The following NAALAD2 variants were observed in gnomAD, a reference collection of about 807,000 sequenced individuals.
NAALAD2 encodes the protein N-acetylated-alpha-linked acidic dipeptidase 2.
A neutral mutation model predicts 95.6 loss-of-function variants in NAALAD2; 89 were observed. The observed-to-expected ratio is 0.93, with a 90% CI of 0.78 to 1.11. The LOEUF is 1.11. Ranked by LOEUF, NAALAD2 falls within the 50% of genes least tolerant of loss-of-function variation. The pLI is 0.00. For missense variants in NAALAD2, 894 were observed against 872.4 expected (o/e 1.02, Z -0.31); for synonymous variants, 264 against 294.4 (o/e 0.90, Z 1.06).
chr11:90,158,228 A>C lies in NAALAD2; in HGVS notation c.880A>C (p.Ile294Leu), dbSNP rs199949872. Residue 294 changes from isoleucine (I) to leucine (L), a missense_variant, in exon 7 of 19, where the codon ATA (isoleucine) becomes CTA (leucine). Coordinates refer to ENST00000534061, the MANE Select transcript of NAALAD2 (RefSeq NM_005467.4). ...TCCCATTGGATATAATGATGCAGAA[A>C]TATTATTACGGTATAGTTTTCTTGT... ...VHPIGYNDAE[I>L]LLRYLGGIAP... 3 of 1,604,754 alleles carry C rather than the reference A, an allele frequency of 1.9e-6. No homozygotes were observed. The East Asian group carries it at 6.7e-5, about 36-fold the overall frequency.
chr11:90,172,776 C>A (rs1332488377), intron 13 of NAALAD2, among the ~76,000 whole-genome samples: 1 of 151,998 alleles, frequency 6.6e-6, no homozygotes. Flanking sequence ...TAGTAAATAT[C>A]TATAGAAAAA....
intron 2 of NAALAD2, 48 bp from the exon 3 acceptor site, chr11:90,147,282 G>T (rs372168783): frequency 2.1e-6 from 3 of 1,445,768 alleles, no homozygotes; most frequent in African/African-American, 1.4e-5. Flanking sequence ...TAGGCACATC[G>T]TCTGAGCATA....
At chr11:90,165,640 C>A (rs1400666413) in intron 11 of NAALAD2, among the ~76,000 whole-genome samples, 1 of 152,114 alleles carries the variant, frequency 6.6e-6, no homozygotes, top group Admixed American at 6.5e-5. Flanking sequence ...ATTTACACTG[C>A]GAATTGTTAT....
chr11:90,156,447 G>A (rs1952121893), intron 6 of NAALAD2, among the ~76,000 whole-genome samples: 1 of 151,944 alleles, frequency 6.6e-6, no homozygotes, highest in Non-Finnish European at 1.5e-5. Flanking sequence ...TCTTTTTCTA[G>A]TTTCTGAAAG....
chr11:90,147,707 G>A (rs1172744882), intron 3 of NAALAD2, among the ~76,000 whole-genome samples, 191 bp downstream of exon 3: 2 of 152,154 alleles, frequency 1.3e-5, no homozygotes, highest in South Asian at 2.1e-4. Flanking sequence ...AGTAAGTTGA[G>A]GCAGACAATG....
At chr11:90,191,452 G>C in intron 18 of NAALAD2, 106 bp from the exon 19 acceptor site, 1 of 704,100 alleles carries the variant, frequency 1.4e-6, no homozygotes, top group East Asian at 3.1e-5. Context: ...TCTTATTATA[G>C]GAACAAAAGT....
chr11:90,146,986 T>A (rs1039694455), intron 2 of NAALAD2, among the ~76,000 whole-genome samples: 2 of 152,154 alleles, frequency 1.3e-5, no homozygotes, highest in Admixed American at 6.6e-5. Flanking sequence ...ATTTTTTTTT[T>A]CCAAAATGTC....
chr11:90,147,387 G>A lies in NAALAD2; in HGVS notation c.252G>A (p.Lys84=). The change falls in exon 3 of 19, where the codon AAG becomes AAA. Residue 84 remains lysine (K), a synonymous_variant. Coordinates refer to ENST00000534061, the MANE Select transcript of NAALAD2 (RefSeq NM_005467.4). ...AGTEQNFLLA[K]KIQTQWKKFG... ...CAGAACAAAATTTCTTGCTTGCCAA[G>A]AAAATCCAAACCCAGTGGAAGAAAT... is the stretch of plus-strand genomic sequence containing the variant. The A allele has an allele frequency of 6.2e-7, 1 of 1,613,934 alleles. No homozygotes were observed. The highest frequency in any genetic ancestry group is 8.5e-7 in the Non-Finnish European group (1 of 1,179,970).
Position 90,168,966 on chromosome 11 carries a change from A to T in NAALAD2, c.1316A>T (p.Tyr439Phe). ...ATACTCCAGGAGAGAAGCATTGCTT[A>T]TATCAACTCGGATTCATCTATAGAA... ...VKILQERSIA[Y>F]INSDSSIEGN... The change falls in exon 12 of 19, where the codon TAT becomes TTT. Residue 439 changes from tyrosine to phenylalanine, a missense_variant. Physicochemically the swap from Tyr to Phe is conservative, Grantham distance 22. Coordinates refer to ENST00000534061, the MANE Select transcript of NAALAD2 (RefSeq NM_005467.4). 1 of 1,606,822 alleles carries T rather than the reference A, an allele frequency of 6.2e-7. No individual in the cohort carries two copies. The highest frequency in any genetic ancestry group is 8.5e-7 in the Non-Finnish European group (1 of 1,177,810).
At chr11:90,155,466 AC>A in intron 6 of NAALAD2, among the ~76,000 whole-genome samples, 3 of 112,624 alleles carry the variant, frequency 2.7e-5, no homozygotes, top group African/African-American at 7.3e-5. Context: ...ATGTAATATT[AC>A]ATATACATGT....
chr11:90,159,259 C>T lies in NAALAD2; in HGVS notation c.911C>T (p.Pro304Leu). 6.2e-7 allele frequency: 1 copy of T among 1,613,416 alleles called. No homozygotes were observed. The highest frequency in any genetic ancestry group is 8.5e-7 in the Non-Finnish European group (1 of 1,179,528). ...ILLRYLGGIA[P>L]PDKSWKGALN... The stretch of plus-strand genomic sequence containing the variant: ...GTCAGCTACTTGGGAGGAATTGCTC[C>T]ACCAGATAAGAGTTGGAAGGGAGCC... The change falls in exon 8 of 19, where the codon CCA becomes CTA. Residue 304 changes from proline (P) to leucine (L), a missense_variant. Physicochemically the swap from Pro to Leu is moderately conservative, Grantham distance 98 (BLOSUM62 -3). Transcript: ENST00000534061.
At chr11:90,186,567 G>A (rs953037906) in intron 18 of NAALAD2, among the ~76,000 whole-genome samples, 1 of 152,148 alleles carries the variant, frequency 6.6e-6, no homozygotes, top group Non-Finnish European at 1.5e-5. Flanking sequence ...GGGTCAAATG[G>A]TATGGGGAAA....
chr11:90,173,825 TC>T lies in NAALAD2; in HGVS notation c.1416del (p.Ser473AlafsTer80), dbSNP rs762365683. ...CCAGTATTTGATTTCTCTTTCCAGATCCCCAGCCCTGATGATGGGTTTGAGA... is the reference window on the plus strand; with the variant it reads ...CCAGTATTTGATTTCTCTTTCCAGATCCCAGCCCTGATGATGGGTTTGAGA... Reference protein sequence around the residue: ...YQLVYKLTKEIPSPDDGFESK... With the variant: ...YQLVYKLTKEXPSPDDGFESK... On this transcript the variant is annotated frameshift_variant and splice_region_variant, in exon 14 of 19. Coordinates refer to ENST00000534061, the MANE Select transcript of NAALAD2 (RefSeq NM_005467.4). LOFTEE classifies it high-confidence loss of function. The T allele has an allele frequency of 2.0e-5, 32 of 1,607,898 alleles. 1 individual carries two copies. The South Asian group carries it at 3.5e-4, about 17-fold the overall frequency.
chr11:90,163,819 G>T, intron 11 of NAALAD2: 2 of 497,478 alleles, frequency 4.0e-6, no homozygotes, highest in Non-Finnish European at 7.0e-6. Context: ...TGCAGACAGA[G>T]TTATTGCCTC....
intron 14 of NAALAD2, 51 bp from the exon 15 acceptor site, chr11:90,175,921 C>G: frequency 4.1e-6 from 3 of 732,816 alleles, no homozygotes; most frequent in Non-Finnish European, 3.9e-6. Flanking sequence ...GTATCATTTA[C>G]TTGTTTATGT....
intron 4 of NAALAD2, 64 bp downstream of exon 4, chr11:90,149,171 T>G: frequency 9.7e-7 from 1 of 1,031,048 alleles, no homozygotes; most frequent in South Asian, 1.6e-5. Context: ...AAAACCTGTA[T>G]GGAGGACTAA....
intron 11 of NAALAD2, among the ~76,000 whole-genome samples, chr11:90,168,307 C>T (rs1467588299): frequency 1.3e-5 from 2 of 152,184 alleles, no homozygotes; most frequent in African/African-American, 4.8e-5. Flanking sequence ...TAACACTCAC[C>T]GCGAGGGTCC....
At chr11:90,180,731 A>G (rs1374558227) in intron 16 of NAALAD2, among the ~76,000 whole-genome samples, 1 of 152,082 alleles carries the variant, frequency 6.6e-6, no homozygotes. Flanking sequence ...TGTAATAAAA[A>G]TATAATATAG....
Position 90,182,896 on chromosome 11 carries a change from T to C in NAALAD2, c.1941-20T>C, listed in dbSNP as rs1395352596. On this transcript the variant is annotated intron_variant, in intron 17 of 18. Transcript: ENST00000534061. ...GATTCTGCGGTTTGCGTTATAATTA[T>C]GTATATGTTCTTCTCGAAGTCCCAT... is the stretch of plus-strand genomic sequence containing the variant. 15 of 1,525,630 alleles carry C rather than the reference T, an allele frequency of 9.8e-6. No individual in the cohort carries two copies. The highest frequency in any genetic ancestry group is 2.3e-5 in the South Asian group (2 of 88,172). The allele number at this position is 1,525,630 out of a possible 1,614,324, so 94.5% of individuals were successfully genotyped here. A position where few individuals can be genotyped will look rare whatever the true frequency, so the allele number is the denominator to read the frequency against.
Sources: gnomAD v4.1 joint callset for allele counts (sites outside exome capture counted in the v4.1 genomes callset) on GRCh38, gnomAD v4.1.1 for gene constraint, MANE v1.5 for transcripts, NCBI Gene and HGNC (gene_info 2026-07-23, HGNC 2026-07-21) for gene names.